KIZ: variants seen among roughly 807,000 people sequenced by gnomAD.
KIZ encodes kizuna centrosomal protein, also known as centrosomal protein kizuna.
KIZ carries 68 observed loss-of-function variants against 79.6 expected under a neutral mutation model. That is an observed-to-expected ratio of 0.85 (90% CI 0.70 to 1.05). The LOEUF (loss-of-function observed/expected upper bound fraction) is 1.05. Among genes scored for constraint, KIZ ranks in the 50% least tolerant of loss-of-function variants. The pLI is 0.00. For missense variants in KIZ, 797 were observed against 800.4 expected (o/e 1.00, Z 0.05); for synonymous variants, 280 against 281.8 (o/e 0.99, Z 0.06).
chr20:21,135,547 C>T (rs1470502819), intron 2 of KIZ, among the ~76,000 whole-genome samples: 3 of 152,184 alleles, frequency 2.0e-5, no homozygotes, highest in Admixed American at 2.0e-4. Flanking sequence ...TGGACATCTC[C>T]AGCATCTTTG....
At chr20:21,163,747 A>G (rs1366207432) in intron 6 of KIZ, among the ~76,000 whole-genome samples, 2 of 152,244 alleles carry the variant, frequency 1.3e-5, no homozygotes, top group East Asian at 1.9e-4. Context: ...TCAGCATTAT[A>G]CATTTGAGAA....
chr20:21,137,110 T>G (rs1204815891), intron 3 of KIZ, among the ~76,000 whole-genome samples: 1 of 152,224 alleles, frequency 6.6e-6, no homozygotes, highest in East Asian at 1.9e-4. Flanking sequence ...GAAAGGGTTC[T>G]TTTTCTGTGG....
intron 4 of KIZ, chr20:21,151,273 A>G (rs1368911829): frequency 6.6e-6 from 1 of 152,130 alleles, no homozygotes; most frequent in Admixed American, 6.5e-5. Flanking sequence ...GGCCTTTTTT[A>G]AAGGTATTAG....
Position 21,214,642 on chromosome 20 carries a change from T to C in KIZ, c.1554T>C (p.Ser518=). ...CSLPSILNDN[S]GIKEAKPAVW... ...TGCCATCTATTCTGAATGACAATAG[T>C]GGAATAAAGGAAGCCAAACCTGCTG... The change falls in exon 8 of 13, where the codon AGT becomes AGC. Residue 518 remains serine (S), a synonymous_variant. Coordinates refer to ENST00000619189, the MANE Select transcript of KIZ (RefSeq NM_018474.6). The C allele has an allele frequency of 6.2e-7, 1 of 1,612,598 alleles. No homozygotes were observed.
chr20:21,139,187 A>AT (rs899049302), intron 3 of KIZ: 2 of 150,970 alleles, frequency 1.3e-5, no homozygotes, highest in African/African-American at 4.9e-5. Context: ...TATTTGGCCA[A>AT]TTGGAGTCTC....
intron 6 of KIZ, among the ~76,000 whole-genome samples, chr20:21,164,537 G>T (rs925284772): frequency 5.3e-5 from 8 of 152,066 alleles, no homozygotes; most frequent in Non-Finnish European, 8.8e-5. Context: ...GTGTTTGTGG[G>T]CTTATTTTTA....
Position 21,134,636 on chromosome 20 carries a change from G to A in KIZ, c.153-1754G>A, listed in dbSNP as rs1297134777. ...TTTCATTTTTGGCTTCATCAATTTT[G>A]ATTAACTCTCATTCATCTTTCAGGT... On this transcript the variant is annotated intron_variant, in intron 2 of 12. Coordinates refer to ENST00000619189, the MANE Select transcript of KIZ (RefSeq NM_018474.6). 2.1e-5 allele frequency among the ~76,000 whole-genome samples: 3 copies of A among 144,662 alleles called. No individual in the cohort carries two copies. In the East Asian group the frequency reaches 6.0e-4, roughly 29 times the overall value. 94.9% of individuals were successfully genotyped at this position (144,662 alleles called of 152,430 possible). A position where few individuals can be genotyped will look rare whatever the true frequency, so the allele number is the denominator to read the frequency against.
At chr20:21,227,024 G>A (rs1410794726) in intron 9 of KIZ, among the ~76,000 whole-genome samples, 3 of 152,226 alleles carry the variant, frequency 2.0e-5, no homozygotes, top group Non-Finnish European at 2.9e-5. Flanking sequence ...AGAATGGAAA[G>A]TGTGGAGCAT....
At chr20:21,241,616 A>G (rs77955154) in intron 11 of KIZ, among the ~76,000 whole-genome samples, 2 of 152,212 alleles carry the variant, frequency 1.3e-5, no homozygotes, top group South Asian at 4.1e-4. Context: ...ACACTGTGTA[A>G]CCACAGGACA....
chr20:21,163,802 A>G (rs1039314599), intron 6 of KIZ, among the ~76,000 whole-genome samples: 17 of 152,192 alleles, frequency 1.1e-4, no homozygotes, highest in African/African-American at 4.1e-4. Flanking sequence ...TTTTTGTGCT[A>G]CTGATTGGAG....
chr20:21,199,007 CTGTT>C (rs1233301719), intron 6 of KIZ, among the ~76,000 whole-genome samples: 2 of 152,154 alleles, frequency 1.3e-5, no homozygotes, highest in African/African-American at 2.4e-5. Flanking sequence ...CCTTTTATAT[CTGTT>C]TGTATACTAT....
At chr20:21,132,223 C>A (rs2031894943) in intron 2 of KIZ, 64 bp downstream of exon 2, 2 of 777,332 alleles carry the variant, frequency 2.6e-6, no homozygotes, top group Admixed American at 5.7e-5. Flanking sequence ...AAATGTAACC[C>A]TAATGTTATG....
At chr20:21,135,929 ATTT>A (rs2032160632) in intron 2 of KIZ, among the ~76,000 whole-genome samples, 1 of 152,136 alleles carries the variant, frequency 6.6e-6, no homozygotes, top group Non-Finnish European at 1.5e-5. Flanking sequence ...AGCTTTTGGT[ATTT>A]TACATTTTTA....
chr20:21,200,956 G>T (rs2035573469), intron 6 of KIZ, among the ~76,000 whole-genome samples: 2 of 152,144 alleles, frequency 1.3e-5, no homozygotes, highest in African/African-American at 4.8e-5. Flanking sequence ...GAGGCAGGTG[G>T]ATTGCTTGAG....
intron 1 of KIZ, chr20:21,131,810 T>C (rs181278582): frequency 6.0e-5 from 15 of 251,038 alleles, no homozygotes; most frequent in Admixed American, 2.9e-4. Context: ...TTTCCCCATT[T>C]ACTTTGTGGA....
At chr20:21,216,374 C>G (rs1022795942) in intron 9 of KIZ, among the ~76,000 whole-genome samples, 3 of 152,112 alleles carry the variant, frequency 2.0e-5, no homozygotes, top group African/African-American at 7.2e-5. Flanking sequence ...CACCAAGGTA[C>G]TGAGGCATGC....
At chr20:21,241,000 A>C (rs967043091) in intron 11 of KIZ, among the ~76,000 whole-genome samples, 50 of 152,236 alleles carry the variant, frequency 3.3e-4, no homozygotes, top group African/African-American at 1.1e-3. Context: ...ACAAGATGGA[A>C]ACATTACTTC....
At chr20:21,167,671 C>G (rs1448319611) in intron 6 of KIZ, among the ~76,000 whole-genome samples, 1 of 148,036 alleles carries the variant, frequency 6.8e-6, no homozygotes, top group African/African-American at 2.5e-5. Flanking sequence ...AAGCTAGTCT[C>G]ATGCCTCAGT....
At chr20:21,176,302 T>A (rs1056646533) in intron 6 of KIZ, among the ~76,000 whole-genome samples, 8 of 152,002 alleles carry the variant, frequency 5.3e-5, no homozygotes, top group African/African-American at 1.9e-4. Context: ...AGAGTGAGAC[T>A]CTGTCTCAAA....
Sources: allele counts gnomAD v4.1 joint callset (sites outside exome capture counted in the v4.1 genomes callset), GRCh38; gene constraint gnomAD v4.1.1; transcripts MANE v1.5; gene names NCBI Gene and HGNC (gene_info 2026-07-23, HGNC 2026-07-21).